The following DPYD variants were observed in gnomAD, a reference collection of about 807,000 sequenced individuals.
DPYD encodes the protein dihydropyrimidine dehydrogenase.
Under a neutral mutation model 116.2 loss-of-function variants are expected in DPYD, and 109 were observed. The observed-to-expected ratio is 0.94, with a 90% confidence interval of 0.80 to 1.10. The LOEUF is 1.10. Among genes scored for constraint, DPYD ranks in the 50% least tolerant of loss-of-function variants. DPYD has a pLI of 0.00. For missense variants in DPYD, 1,302 were observed against 1,254.5 expected (o/e 1.04, Z -0.57); for synonymous variants, 440 against 432.0 (o/e 1.02, Z -0.23).
chr1:97,240,818 T>G (rs201919320), intron 18 of DPYD, among the ~76,000 whole-genome samples: 1,918 of 133,166 alleles, frequency 0.014, 99 homozygotes, highest in Admixed American at 0.11. Context: ...TATGCTTTAC[T>G]AAAATTAAGT....
At chr1:97,148,517 C>T (rs1230955486) in intron 20 of DPYD, among the ~76,000 whole-genome samples, 1 of 152,162 alleles carries the variant, frequency 6.6e-6, no homozygotes, top group East Asian at 1.9e-4. Context: ...AATTATAGAT[C>T]TATTTCATTC....
intron 5 of DPYD, among the ~76,000 whole-genome samples, chr1:97,702,202 G>A (rs1310780877): frequency 6.6e-6 from 1 of 150,558 alleles, no homozygotes; most frequent in Non-Finnish European, 1.5e-5. Context: ...CCCAAAGAAA[G>A]GTTTCACATA....
chr1:97,141,948 T>C (rs1654257448), intron 20 of DPYD, among the ~76,000 whole-genome samples: 1 of 152,142 alleles, frequency 6.6e-6, no homozygotes, highest in African/African-American at 2.4e-5. Flanking sequence ...ATCAGCATTC[T>C]GGGTATTCTA....
chr1:97,753,370 C>G (rs1665043346), intron 3 of DPYD, among the ~76,000 whole-genome samples: 1 of 152,122 alleles, frequency 6.6e-6, no homozygotes, highest in South Asian at 2.1e-4. Flanking sequence ...GCCATTTCCT[C>G]AGAACAGAGT....
At chr1:97,306,910 C>G (rs1327270229) in intron 16 of DPYD, among the ~76,000 whole-genome samples, 1 of 151,910 alleles carries the variant, frequency 6.6e-6, no homozygotes, top group Non-Finnish European at 1.5e-5. Context: ...ATCTGTGCAG[C>G]ATTTTCAGCA....
At chr1:97,449,935 G>A in intron 14 of DPYD, 124 bp downstream of exon 14, 1 of 1,272,878 alleles carries the variant, frequency 7.9e-7, no homozygotes. Context: ...CATCAGCAAA[G>A]CAACTGGCAG....
chr1:97,637,349 T>C (rs1657626794), intron 8 of DPYD, among the ~76,000 whole-genome samples: 1 of 152,168 alleles, frequency 6.6e-6, no homozygotes, highest in Admixed American at 6.5e-5. Context: ...TATATTAGGC[T>C]TTAACTTTAA....
Position 97,861,390 on chromosome 1 carries a change from CA to C in DPYD, c.150+21873del, listed in dbSNP as rs566112793. Among the ~76,000 whole-genome samples, 1,316 of 145,624 alleles carry C rather than the reference CA, an allele frequency of 9.0e-3. 18 individuals carry two copies. Among genetic ancestry groups the C allele is most frequent in the African/African-American group, 0.03 (1,199 of 39,648 alleles). On this transcript the variant is annotated intron_variant, in intron 2 of 22. Transcript: ENST00000370192. ...AGATATAACTTCAATGAATTTTAAA[CA>C]AAAAAAAATAACTGTAAAATAAAAG...
At chr1:97,456,748 C>T (rs1003001058) in intron 13 of DPYD, among the ~76,000 whole-genome samples, 3 of 151,986 alleles carry the variant, frequency 2.0e-5, no homozygotes, top group African/African-American at 7.2e-5. Context: ...TTTAAATTCA[C>T]CTTAGAAACT....
chr1:97,838,762 G>A (rs994454024), intron 2 of DPYD, among the ~76,000 whole-genome samples: 2 of 152,054 alleles, frequency 1.3e-5, no homozygotes, highest in Admixed American at 6.5e-5. Context: ...GGAGAATGGC[G>A]TGAACCCGGG....
intron 1 of DPYD, among the ~76,000 whole-genome samples, chr1:97,894,762 A>C (rs899736794): frequency 6.6e-6 from 1 of 151,724 alleles, no homozygotes; most frequent in Non-Finnish European, 1.5e-5. Flanking sequence ...ATAAAGAGAT[A>C]TCAAAAATAT....
chr1:97,910,460 C>A (rs1354118109), intron 1 of DPYD, among the ~76,000 whole-genome samples: 1 of 152,056 alleles, frequency 6.6e-6, no homozygotes, highest in African/African-American at 2.4e-5. Flanking sequence ...ATACTTGCCA[C>A]ATGCTGGAAC....
At chr1:97,317,726 C>G (rs184652283) in intron 16 of DPYD, among the ~76,000 whole-genome samples, 3 of 151,974 alleles carry the variant, frequency 2.0e-5, no homozygotes, top group South Asian at 2.1e-4. Flanking sequence ...CACCATTCTG[C>G]CCTGGAGCAC....
At chr1:97,145,897 T>A (rs1453980038) in intron 20 of DPYD, among the ~76,000 whole-genome samples, 1 of 152,050 alleles carries the variant, frequency 6.6e-6, no homozygotes, top group African/African-American at 2.4e-5. Context: ...ATTGCTTTTT[T>A]AATAGGTGTG....
intron 8 of DPYD, among the ~76,000 whole-genome samples, chr1:97,656,748 C>G (rs962371763): frequency 6.6e-6 from 1 of 151,756 alleles, no homozygotes; most frequent in African/African-American, 2.4e-5. Flanking sequence ...CCTCATTAAA[C>G]TAATTTTATA....
intron 13 of DPYD, among the ~76,000 whole-genome samples, chr1:97,501,558 C>G (rs1679584386): frequency 6.6e-6 from 1 of 151,832 alleles, no homozygotes; most frequent in African/African-American, 2.4e-5. Flanking sequence ...CAAACAGAAA[C>G]ACATTAGCCA....
At chr1:97,398,436 A>T (rs1022731291) in intron 14 of DPYD, among the ~76,000 whole-genome samples, 1 of 152,098 alleles carries the variant, frequency 6.6e-6, no homozygotes, top group Admixed American at 6.6e-5. Context: ...TAGCAGCATG[A>T]TTTATAGTCC....
intron 3 of DPYD, among the ~76,000 whole-genome samples, chr1:97,827,631 T>C (rs945898760): frequency 5.3e-5 from 8 of 152,058 alleles, no homozygotes; most frequent in African/African-American, 1.9e-4. Context: ...GGAAGTTAAT[T>C]ATATGCTTTG....
chr1:97,304,940 T>C (rs917832657), intron 18 of DPYD, among the ~76,000 whole-genome samples: 8 of 151,854 alleles, frequency 5.3e-5, no homozygotes, highest in African/African-American at 1.2e-4. Flanking sequence ...AGGGTACTTA[T>C]ATTTTTCTCT....
Sources: gnomAD v4.1 joint callset for allele counts (sites outside exome capture counted in the v4.1 genomes callset) on GRCh38, gnomAD v4.1.1 for gene constraint, MANE v1.5 for transcripts, NCBI Gene and HGNC (gene_info 2026-07-23, HGNC 2026-07-21) for gene names.